Variants in TGM3 observed in about 807,000 individuals in gnomAD.
TGM3 encodes the protein protein-glutamine gamma-glutamyltransferase E.
In TGM3, 52 loss-of-function variants were observed where a neutral mutation model predicts 73.8. The ratio of observed to expected loss-of-function variants is 0.70; its 90% CI spans 0.56 to 0.89. TGM3 has a LOEUF of 0.89. Among genes scored for constraint, TGM3 ranks in the 40% least tolerant of loss-of-function variants. The pLI is 0.00. For missense variants in TGM3, 928 were observed against 909.9 expected (o/e 1.02, Z -0.26); for synonymous variants, 372 against 354.9 (o/e 1.05, Z -0.54).
At chr20:2,312,740 G>A (rs950514523) in intron 4 of TGM3, among the ~76,000 whole-genome samples, 158 bp from the exon 5 acceptor site, 2 of 152,112 alleles carry the variant, frequency 1.3e-5, no homozygotes, top group African/African-American at 2.4e-5. Flanking sequence ...CGGGGTTGAG[G>A]GCTGGGCATG....
intron 6 of TGM3, 44 bp from the exon 7 acceptor site, chr20:2,317,306 A>G: frequency 6.2e-7 from 1 of 1,614,008 alleles, no homozygotes; most frequent in Non-Finnish European, 8.5e-7. Flanking sequence ...ATGCCAAGGT[A>G]CCATCTCCAC....
chr20:2,330,449 A>C (rs1458559199), intron 9 of TGM3, among the ~76,000 whole-genome samples: 1 of 152,208 alleles, frequency 6.6e-6, no homozygotes, highest in East Asian at 1.9e-4. Context: ...ACCAGGAACT[A>C]CCAGCTTAGG....
chr20:2,310,491 T>C, intron 3 of TGM3, 74 bp downstream of exon 3: 1 of 1,572,072 alleles, frequency 6.4e-7, no homozygotes, highest in Non-Finnish European at 8.6e-7. Flanking sequence ...GGAAATGATC[T>C]TCACAGGCTC....
intron 7 of TGM3, among the ~76,000 whole-genome samples, 159 bp from the exon 8 acceptor site, chr20:2,325,690 G>A (rs891022563): frequency 6.6e-5 from 10 of 152,172 alleles, no homozygotes; most frequent in African/African-American, 9.7e-5. Flanking sequence ...GGATTTCCAC[G>A]AGACGATGCT....
Position 2,324,002 on chromosome 20 carries a change from ATCTC to A in TGM3, c.984-1845_984-1842del, listed in dbSNP as rs544102996. ...GTACATTACAATATTGATACAGTAA[ATCTC>A]TATCTAGCATGTATGTTGGATATAT... is the stretch of plus-strand genomic sequence containing the variant. On this transcript the variant is annotated intron_variant, in intron 7 of 12. Coordinates refer to ENST00000381458, the MANE Select transcript of TGM3 (RefSeq NM_003245.4). Among the ~76,000 whole-genome samples, 6 of 152,186 alleles carry A rather than the reference ATCTC, an allele frequency of 3.9e-5. No homozygotes were observed. In the South Asian group the frequency reaches 1.0e-3, roughly 26 times the overall value.
In TGM3 at chr20:2,332,086, G is replaced by T; in HGVS notation, c.1418G>T (p.Gly473Val). The T allele has an allele frequency of 6.2e-7, 1 of 1,614,208 alleles. No individual in the cohort carries two copies. Among genetic ancestry groups the T allele is most frequent in the Non-Finnish European group, 8.5e-7 (1 of 1,180,038 alleles). Residue 473 changes from glycine to valine, a missense_variant, in exon 10 of 13, where the codon GGT becomes GTT. Coordinates refer to ENST00000381458, the MANE Select transcript of TGM3 (RefSeq NM_003245.4). This position sits in a 1 kb window ranked among gnomAD's most constrained non-coding sequence, Gnocchi z 4.4. ...NTPFAATSSM[G>V]LETEEQEPSI... ...CCATTTGCCGCGACGTCTTCAATGG[G>T]TTTGGAAACAGAGGAACAGGAGCCC...
intron 2 of TGM3, 151 bp downstream of exon 2, chr20:2,309,981 G>A: frequency 7.4e-7 from 1 of 1,359,494 alleles, no homozygotes; most frequent in Non-Finnish European, 1.0e-6. Flanking sequence ...GCAAGTTGCT[G>A]TCCATCTCTG....
At position 2,311,021 on chromosome 20, in the gene TGM3, C is replaced by T; in HGVS notation, c.432C>T (p.Val144=). Residue 144 remains valine, a synonymous_variant, in exon 4 of 13, where the codon GTC becomes GTT. Coordinates refer to ENST00000381458, the MANE Select transcript of TGM3 (RefSeq NM_003245.4). ...TTTTGTATCAAATAGTGGATAGCGT[C>T]TTTATGGGTAACCACGCTGAGAGAG... is the stretch of plus-strand genomic sequence containing the variant. The part of the protein sequence containing the change: ...LFNPWLNVDS[V]FMGNHAEREE... The T allele has an allele frequency of 6.2e-7, 1 of 1,613,652 alleles. No homozygotes were observed. Among genetic ancestry groups the T allele is most frequent in the Non-Finnish European group, 8.5e-7 (1 of 1,179,560 alleles).
At chr20:2,297,334 G>A (rs2084115033) in intron 1 of TGM3, among the ~76,000 whole-genome samples, 1 of 152,220 alleles carries the variant, frequency 6.6e-6, no homozygotes, top group Non-Finnish European at 1.5e-5. Context: ...TCTCATTTGA[G>A]CTTTGTGACC....
intron 1 of TGM3, among the ~76,000 whole-genome samples, chr20:2,309,273 A>T (rs1451672085): frequency 6.6e-6 from 1 of 152,150 alleles, no homozygotes; most frequent in Non-Finnish European, 1.5e-5. Context: ...TGTACTCCTC[A>T]TTGATTGGAT....
chr20:2,311,065 A>G lies in TGM3; in HGVS notation c.476A>G (p.Asp159Gly). The part of the protein sequence containing the change: ...HAEREEYVQE[D>G]AGIIFVGSTN... ...GAGAGAGAAGAGTATGTTCAGGAAG[A>G]TGCCGGCATCATCTTTGTGGGAAGC... Residue 159 changes from aspartate to glycine, a missense_variant, in exon 4 of 13, where the codon GAT becomes GGT. Physicochemically the swap from Asp to Gly is moderately conservative, Grantham distance 94. Coordinates refer to ENST00000381458, the MANE Select transcript of TGM3 (RefSeq NM_003245.4). 1 of 1,614,170 alleles carries G rather than the reference A, an allele frequency of 6.2e-7. No homozygotes were observed. The highest frequency in any genetic ancestry group is 8.5e-7 in the Non-Finnish European group (1 of 1,180,000).
At chr20:2,315,928 A>G (rs910075288) in intron 5 of TGM3, among the ~76,000 whole-genome samples, 1 of 152,210 alleles carries the variant, frequency 6.6e-6, no homozygotes, top group Admixed American at 6.5e-5. Context: ...AGAAAAGCAT[A>G]ATGAACTCCT....
At position 2,317,355 on chromosome 20, in the gene TGM3, C is replaced by T. The variant is rs200047268; in HGVS notation, c.853C>T (p.Arg285Trp). Residue 285 changes from arginine (R) to tryptophan (W), a missense_variant, in exon 7 of 13, where the codon CGG (arginine) becomes TGG (tryptophan). Coordinates refer to ENST00000381458, the MANE Select transcript of TGM3 (RefSeq NM_003245.4). ...ACGCCCACCCTGACTTGCAGCGCTG[C>T]GGTCTTTGGGGATTCCTTCCCGGGT... is the stretch of plus-strand genomic sequence containing the variant. Reference protein sequence around the residue: ...VFAGTLNTALRSLGIPSRVIT... With the variant: ...VFAGTLNTALWSLGIPSRVIT... The T allele has an allele frequency of 3.0e-5, 48 of 1,614,078 alleles. No homozygotes were observed. Among genetic ancestry groups the T allele is most frequent in the Non-Finnish European group, 3.7e-5 (44 of 1,180,044 alleles).
intron 7 of TGM3, among the ~76,000 whole-genome samples, chr20:2,319,614 G>A (rs951448395): frequency 1.3e-5 from 2 of 152,174 alleles, no homozygotes; most frequent in South Asian, 2.1e-4. Flanking sequence ...GACATTCCAG[G>A]GTGGCTCTGT....
Position 2,332,795 on chromosome 20 carries a change from A to G in TGM3, c.1642+485A>G, listed in dbSNP as rs1303208804. On this transcript the variant is annotated intron_variant, in intron 10 of 12. Coordinates refer to ENST00000381458, the MANE Select transcript of TGM3 (RefSeq NM_003245.4). The surrounding 1 kb of genome is among the most constrained non-coding windows in gnomAD (Gnocchi z 4.4). ...AGCCACCCCCTGTTTTCTATGTTGT[A>G]TTGTTCTTACCCACCTCACCCCCAC... Among the ~76,000 whole-genome samples, 2 of 152,166 alleles carry G rather than the reference A, an allele frequency of 1.3e-5. No individual in the cohort carries two copies. The highest frequency in any genetic ancestry group is 2.1e-4 in the South Asian group (1 of 4,822).
chr20:2,323,840 A>G (rs1411545898), intron 7 of TGM3, among the ~76,000 whole-genome samples: 1 of 152,200 alleles, frequency 6.6e-6, no homozygotes, highest in Non-Finnish European at 1.5e-5. Flanking sequence ...AACTATTTTC[A>G]TATGTTTGGT....
At chr20:2,310,064 G>C (rs989233060) in intron 2 of TGM3, 114 bp from the exon 3 acceptor site, 12 of 1,494,334 alleles carry the variant, frequency 8.0e-6, no homozygotes, top group Non-Finnish European at 1.0e-5. Flanking sequence ...TCCAGTGGTA[G>C]AATATGGCGC....
Position 2,317,469 on chromosome 20 carries a change from G to A in TGM3, c.967G>A (p.Gly323Ser), listed in dbSNP as rs771288538. 3.1e-6 allele frequency: 5 copies of A among 1,614,198 alleles called. No individual in the cohort carries two copies. The highest frequency in any genetic ancestry group is 4.2e-6 in the Non-Finnish European group (5 of 1,180,028). ...CCCCATGGGAAACCCCCTGGACAAG[G>A]GTAGTGATAGCGTATGGTAAGTATC... Reference protein sequence around the residue: ...YDPMGNPLDKGSDSVWNFHVW... With the variant: ...YDPMGNPLDKSSDSVWNFHVW... The change falls in exon 7 of 13, where the codon GGT becomes AGT. Residue 323 changes from glycine to serine, a missense_variant. Gly to Ser is a moderately conservative substitution (Grantham distance 56). Transcript: ENST00000381458.
chr20:2,315,725 G>A (rs749928102), intron 5 of TGM3, among the ~76,000 whole-genome samples: 9 of 152,200 alleles, frequency 5.9e-5, no homozygotes, highest in Non-Finnish European at 1.3e-4. Context: ...ACACCTCAGA[G>A]CACCTTTGTC....
Sources: gnomAD v4.1 joint callset for allele counts (sites outside exome capture counted in the v4.1 genomes callset) on GRCh38, gnomAD v4.1.1 for gene constraint, Gnocchi (gnomAD v3.1) non-coding constraint, MANE v1.5 for transcripts, NCBI Gene and HGNC (gene_info 2026-07-23, HGNC 2026-07-21) for gene names.